BRINP3: variants seen among roughly 807,000 people sequenced by gnomAD.
BRINP3 encodes the protein BMP/retinoic acid-inducible neural-specific protein 3.
A neutral mutation model predicts 71.0 loss-of-function variants in BRINP3; 19 were observed. The ratio of observed to expected loss-of-function variants is 0.27; its 90% CI spans 0.19 to 0.39. The LOEUF is 0.39. BRINP3 is among the 10% of genes least tolerant of loss of function. The pLI is 1.00. For missense variants in BRINP3, 959 were observed against 940.8 expected (o/e 1.02, Z -0.25); for synonymous variants, 380 against 337.7 (o/e 1.13, Z -1.37).
chr1:190,439,104 C>G (rs1324016561), intron 2 of BRINP3, among the ~76,000 whole-genome samples: 1 of 151,842 alleles, frequency 6.6e-6, no homozygotes, highest in Non-Finnish European at 1.5e-5. Flanking sequence ...ACCCAAAAGG[C>G]GAGAGGCGTA....
At chr1:190,436,501 C>A (rs971468431) in intron 2 of BRINP3, among the ~76,000 whole-genome samples, 6 of 151,078 alleles carry the variant, frequency 4.0e-5, no homozygotes. Context: ...TTATAAGATC[C>A]AAAAAAAGAG....
chr1:190,396,519 A>C (rs907216395), intron 2 of BRINP3, among the ~76,000 whole-genome samples: 1 of 151,298 alleles, frequency 6.6e-6, no homozygotes, highest in African/African-American at 2.4e-5. Context: ...CGACCAACTT[A>C]CCAGCCATCA....
At chr1:190,278,469 A>G (rs1662783887) in intron 3 of BRINP3, among the ~76,000 whole-genome samples, 1 of 151,694 alleles carries the variant, frequency 6.6e-6, no homozygotes. Flanking sequence ...ATTTTAGTGT[A>G]AGTACAATAG....
At chr1:190,387,535 G>A (rs914801768) in intron 2 of BRINP3, among the ~76,000 whole-genome samples, 1 of 151,880 alleles carries the variant, frequency 6.6e-6, no homozygotes, top group African/African-American at 2.4e-5. Flanking sequence ...ATTATGAGAA[G>A]GTGAAAGGTG....
intron 2 of BRINP3, among the ~76,000 whole-genome samples, chr1:190,438,075 T>A (rs1674583014): frequency 6.6e-6 from 1 of 151,240 alleles, no homozygotes; most frequent in African/African-American, 2.4e-5. Context: ...TCCAAGTTAA[T>A]AATCTCTAAA....
At chr1:190,106,747 G>C (rs539848603) in intron 7 of BRINP3, among the ~76,000 whole-genome samples, 1 of 151,760 alleles carries the variant, frequency 6.6e-6, no homozygotes, top group South Asian at 2.1e-4. Context: ...ACTACCCAGT[G>C]AGTGGTAGAC....
intron 2 of BRINP3, among the ~76,000 whole-genome samples, chr1:190,310,460 G>C (rs1045393110): frequency 2.9e-4 from 44 of 151,722 alleles, no homozygotes; most frequent in African/African-American, 9.4e-4. Context: ...TATATGCTTA[G>C]AAATGATTAC....
chr1:190,355,696 T>C (rs1188746886), intron 2 of BRINP3, among the ~76,000 whole-genome samples: 4 of 152,068 alleles, frequency 2.6e-5, no homozygotes, highest in East Asian at 1.9e-4. Context: ...AAATAATTCA[T>C]ATATGGGAAC....
intron 2 of BRINP3, among the ~76,000 whole-genome samples, chr1:190,447,099 T>C (rs1675267832): frequency 6.6e-6 from 1 of 151,800 alleles, no homozygotes; most frequent in African/African-American, 2.4e-5. Flanking sequence ...CAAACAAAAG[T>C]TCAGCATGTT....
chr1:190,374,468 A>G (rs1001983467), intron 2 of BRINP3, among the ~76,000 whole-genome samples: 14 of 152,170 alleles, frequency 9.2e-5, no homozygotes, highest in African/African-American at 3.1e-4. Flanking sequence ...TCAAAAGAGA[A>G]ATTAGAAGTG....
At chr1:190,443,624 T>C (rs1674989211) in intron 2 of BRINP3, among the ~76,000 whole-genome samples, 1 of 152,120 alleles carries the variant, frequency 6.6e-6, no homozygotes, top group Non-Finnish European at 1.5e-5. Context: ...AGACTCTGCA[T>C]TCCCAGAAAG....
chr1:190,143,000 A>T (rs1655585584), intron 7 of BRINP3, among the ~76,000 whole-genome samples: 1 of 152,098 alleles, frequency 6.6e-6, no homozygotes, highest in Non-Finnish European at 1.5e-5. Flanking sequence ...GTGGTATCTG[A>T]GGAAAGAAAA....
At chr1:190,123,457 AAC>A (rs1256111763) in intron 7 of BRINP3, among the ~76,000 whole-genome samples, 1 of 152,088 alleles carries the variant, frequency 6.6e-6, no homozygotes, top group Non-Finnish European at 1.5e-5. Flanking sequence ...CAGAATTCTG[AAC>A]AGTTTTTGAG....
intron 2 of BRINP3, among the ~76,000 whole-genome samples, chr1:190,332,739 T>C (rs567849066): frequency 6.6e-6 from 1 of 152,168 alleles, no homozygotes; most frequent in South Asian, 2.1e-4. Flanking sequence ...TTTAGAGTAC[T>C]ACGATTTCTC....
At chr1:190,333,862 T>C (rs1323512139) in intron 2 of BRINP3, among the ~76,000 whole-genome samples, 1 of 151,954 alleles carries the variant, frequency 6.6e-6, no homozygotes, top group Non-Finnish European at 1.5e-5. Flanking sequence ...ATCCTGATTC[T>C]GTCTTTTGAG....
rs564863860 is a variant in BRINP3 at position 190,403,263 on chromosome 1, T to C, written c.236+51392A>G. 2.0e-5 allele frequency among the ~76,000 whole-genome samples: 3 copies of C among 152,312 alleles called. No homozygotes were observed. The South Asian group carries it at 6.2e-4, about 32-fold the overall frequency. On this transcript the variant is annotated intron_variant, in intron 2 of 7. Coordinates refer to ENST00000367462, the MANE Select transcript of BRINP3 (RefSeq NM_199051.3). ...GAAATGAAGTGAACAACCTATAATA[T>C]AACTTGATATGTGTCAAATTAAGAA...
intron 2 of BRINP3, among the ~76,000 whole-genome samples, chr1:190,407,360 T>C (rs1464582186): frequency 1.3e-5 from 2 of 152,058 alleles, no homozygotes; most frequent in Non-Finnish European, 2.9e-5. Flanking sequence ...GAGATGAGTG[T>C]CCTCCCAATT....
intron 2 of BRINP3, among the ~76,000 whole-genome samples, chr1:190,401,464 G>C (rs960096533): frequency 2.7e-5 from 4 of 150,432 alleles, no homozygotes; most frequent in Non-Finnish European, 4.4e-5. Flanking sequence ...CCAAACTTCA[G>C]ACTGTTTAAT....
chr1:190,227,925 CT>C (rs1657555816), intron 5 of BRINP3, among the ~76,000 whole-genome samples: 1 of 151,654 alleles, frequency 6.6e-6, no homozygotes, highest in Admixed American at 6.6e-5. Context: ...ATGTGGGATA[CT>C]AAGAGTGGTA....
Sources: allele counts gnomAD v4.1 joint callset (sites outside exome capture counted in the v4.1 genomes callset), GRCh38; gene constraint gnomAD v4.1.1; transcripts MANE v1.5; gene names NCBI Gene and HGNC (gene_info 2026-07-23, HGNC 2026-07-21).